Variants in GRIK1 observed in about 807,000 individuals in gnomAD.
GRIK1 encodes the protein glutamate ionotropic receptor kainate type subunit 1.
Under a neutral mutation model 105.7 loss-of-function variants are expected in GRIK1, and 69 were observed. The ratio of observed to expected loss-of-function variants is 0.65; its 90% confidence interval spans 0.54 to 0.80. The LOEUF (loss-of-function observed/expected upper bound fraction) is 0.80. Ranked by LOEUF, GRIK1 falls within the 30% of genes least tolerant of loss-of-function variation. The pLI is 0.00. For synonymous variants in GRIK1, 438 were observed against 431.3 expected, an observed-to-expected ratio of 1.02 and a Z score of -0.19; for missense variants, 1,109 against 1,167.3, an observed-to-expected ratio of 0.95 and a Z score of 0.73.
intron 1 of GRIK1, among the ~76,000 whole-genome samples, chr21:29,871,346 T>G (rs2069004561): frequency 6.6e-6 from 1 of 152,222 alleles, no homozygotes; most frequent in African/African-American, 2.4e-5. Context: ...TTAATTCACT[T>G]CATTCTTACA....
intron 16 of GRIK1, among the ~76,000 whole-genome samples, chr21:29,550,209 A>G (rs1217229730): frequency 6.7e-6 from 1 of 149,986 alleles, no homozygotes; most frequent in East Asian, 2.0e-4. Flanking sequence ...TGTCTACTTG[A>G]TAATTCTGAG....
chr21:29,766,347 G>A (rs1049110024), intron 1 of GRIK1, among the ~76,000 whole-genome samples: 3 of 152,138 alleles, frequency 2.0e-5, no homozygotes, highest in Admixed American at 1.3e-4. Context: ...GATTGAGTAG[G>A]TGCTACTGGC....
chr21:29,868,018 CAGAAAGAAAGGA>C (rs1442980330), intron 1 of GRIK1, among the ~76,000 whole-genome samples: 1 of 122,876 alleles, frequency 8.1e-6, no homozygotes, highest in African/African-American at 3.4e-5. Flanking sequence ...AAAGAAAAGA[CAGAAAGAAAGGA>C]AGGAAGGAAG....
chr21:29,580,169 A>G (rs1015448089), intron 13 of GRIK1, among the ~76,000 whole-genome samples: 9 of 148,364 alleles, frequency 6.1e-5, no homozygotes, highest in South Asian at 2.1e-4. Flanking sequence ...ACATATATAT[A>G]TATATGTATA....
chr21:29,905,802 A>G (rs1569207441), intron 1 of GRIK1, among the ~76,000 whole-genome samples: 1 of 151,324 alleles, frequency 6.6e-6, no homozygotes, highest in African/African-American at 2.4e-5. Context: ...AATTTTTTGT[A>G]TTTTTAGTAG....
At chr21:29,744,287 A>G (rs1294689914) in intron 1 of GRIK1, among the ~76,000 whole-genome samples, 1 of 152,156 alleles carries the variant, frequency 6.6e-6, no homozygotes, top group Admixed American at 6.5e-5. Flanking sequence ...TCATCTAGAG[A>G]TGACAATTCT....
intron 1 of GRIK1, among the ~76,000 whole-genome samples, chr21:29,777,900 C>T (rs1486073645): frequency 6.6e-6 from 1 of 152,166 alleles, no homozygotes; most frequent in African/African-American, 2.4e-5. Context: ...GATGATACCT[C>T]TAATTTAGGT....
At chr21:29,741,845 A>G (rs2064937588) in intron 1 of GRIK1, among the ~76,000 whole-genome samples, 2 of 152,202 alleles carry the variant, frequency 1.3e-5, no homozygotes, top group African/African-American at 4.8e-5. Flanking sequence ...GTTTCATTTG[A>G]CAAATTCTTG....
At chr21:29,905,271 G>C (rs2070570177) in intron 1 of GRIK1, among the ~76,000 whole-genome samples, 1 of 152,048 alleles carries the variant, frequency 6.6e-6, no homozygotes, top group Non-Finnish European at 1.5e-5. Context: ...ACTCCCCTTT[G>C]TGTATTAAAG....
intron 1 of GRIK1, among the ~76,000 whole-genome samples, chr21:29,824,478 A>G (rs2067391975): frequency 6.6e-6 from 1 of 152,036 alleles, no homozygotes; most frequent in Non-Finnish European, 1.5e-5. Context: ...TAAGGACGAA[A>G]AGAAGGATCA....
chr21:29,713,545 T>G (rs2064106584), intron 1 of GRIK1, among the ~76,000 whole-genome samples: 2 of 152,220 alleles, frequency 1.3e-5, no homozygotes, highest in South Asian at 4.1e-4. Context: ...TCTTTGTTTT[T>G]TGAAATGGGT....
rs529121500 is a variant in GRIK1, at chr21:29,897,679, T to C, written c.118+41704A>G. On this transcript the variant is annotated intron_variant, in intron 1 of 17. Transcript: ENST00000327783. ...GGACTTGGAGTGAATTAATGTGACATCTTAAAAGCTTTGGGTTATAATCTG... is the reference window on the plus strand; with the variant it reads ...GGACTTGGAGTGAATTAATGTGACACCTTAAAAGCTTTGGGTTATAATCTG... Among the ~76,000 whole-genome samples, 4 of 152,342 alleles carry C rather than the reference T, an allele frequency of 2.6e-5. No homozygotes were observed. In the South Asian group the frequency reaches 8.3e-4, roughly 32 times the overall value.
At chr21:29,725,823 A>G (rs1340111969) in intron 1 of GRIK1, among the ~76,000 whole-genome samples, 1 of 152,242 alleles carries the variant, frequency 6.6e-6, no homozygotes, top group Non-Finnish European at 1.5e-5. Context: ...GTAAAGGCCA[A>G]TAGAGCATAC....
chr21:29,848,776 TA>T lies in GRIK1; in HGVS notation c.118+90606del, dbSNP rs1178359614. On this transcript the variant is annotated intron_variant, in intron 1 of 17. Coordinates refer to ENST00000327783, the MANE Select transcript of GRIK1 (RefSeq NM_001330994.2). ...GTGTGTATATATATATATATATATA[TA>T]TATTTTTTTTTTTTTCCACGATCTT... 1.1e-3 allele frequency among the ~76,000 whole-genome samples: 109 copies of T among 99,702 alleles called. 1 individual carries two copies. Among genetic ancestry groups the T allele is most frequent in the Middle Eastern group, 5.2e-3 (1 of 192 alleles). The allele number at this position is 99,702 out of a possible 152,430, so 65.4% of individuals were successfully genotyped here.
chr21:29,671,540 T>G (rs2063160661), intron 4 of GRIK1, among the ~76,000 whole-genome samples: 1 of 151,912 alleles, frequency 6.6e-6, no homozygotes, highest in Non-Finnish European at 1.5e-5. Context: ...TCTGCAAGTG[T>G]GAGATGGAGC....
In GRIK1 at chr21:29,589,173, T is replaced by C. The variant is rs554070171; in HGVS notation, c.1366-131A>G. The C allele has an allele frequency of 8.0e-6, 5 of 623,854 alleles. No homozygotes were observed. In the Admixed American group the frequency reaches 1.4e-4, roughly 17 times the overall value. The allele number at this position is 623,854 out of a possible 1,614,324, so 38.6% of individuals were successfully genotyped here. ...TGAGAGTACTGAAGTCATTCACTCA[T>C]CTGCCTGCCTATGTCCTCTATAAAT... On this transcript the variant is annotated intron_variant, in intron 10 of 17. Transcript: ENST00000327783.
At chr21:29,756,623 T>C (rs2065348510) in intron 1 of GRIK1, among the ~76,000 whole-genome samples, 1 of 151,418 alleles carries the variant, frequency 6.6e-6, no homozygotes, top group African/African-American at 2.4e-5. Context: ...ATCCAATGAA[T>C]ACCAGGATGG....
At chr21:29,839,808 A>G (rs2067926062) in intron 1 of GRIK1, among the ~76,000 whole-genome samples, 1 of 152,132 alleles carries the variant, frequency 6.6e-6, no homozygotes, top group Non-Finnish European at 1.5e-5. Flanking sequence ...TATAAGGAAT[A>G]GTGGATGAAA....
intron 16 of GRIK1, among the ~76,000 whole-genome samples, chr21:29,543,482 CT>C (rs2090002718): frequency 6.6e-6 from 1 of 152,104 alleles, no homozygotes; most frequent in Admixed American, 6.6e-5. Context: ...GTGTACTACC[CT>C]TGTGGGAAGT....
Sources: allele counts gnomAD v4.1 joint callset (sites outside exome capture counted in the v4.1 genomes callset), GRCh38; gene constraint gnomAD v4.1.1; transcripts MANE v1.5; gene names NCBI Gene and HGNC (gene_info 2026-07-23, HGNC 2026-07-21).